The following LHFPL3 variants were observed in gnomAD, a reference collection of about 807,000 sequenced individuals.
The protein encoded by LHFPL3 is LHFPL tetraspan subfamily member 3 protein.
A neutral mutation model predicts 19.3 loss-of-function variants in LHFPL3; 5 were observed. The ratio of observed to expected loss-of-function variants is 0.26; its 90% confidence interval spans 0.14 to 0.54. The LOEUF is 0.54. LHFPL3 is among the 20% of genes least tolerant of loss of function. LHFPL3 has a pLI of 0.94. For missense variants in LHFPL3, 249 were observed against 307.4 expected, an observed-to-expected ratio of 0.81 and a Z score of 1.42; for synonymous variants, 133 against 126.2, an observed-to-expected ratio of 1.05 and a Z score of -0.36.
chr7:104,825,578 TAAC>T (rs1281147658), intron 2 of LHFPL3, among the ~76,000 whole-genome samples: 1 of 151,742 alleles, frequency 6.6e-6, no homozygotes, highest in Non-Finnish European at 1.5e-5. Flanking sequence ...CAGCTGCACA[TAAC>T]AAAAAAAAAT....
In LHFPL3 at chr7:104,374,271, C is replaced by A. The variant is rs116719048; in HGVS notation, c.445+45047C>A. ...ATATATATTTTTTTTAAGACAGAAT[C>A]TTGCTCTGTCACCAGGCTGGAGTAC... On this transcript the variant is annotated intron_variant, in intron 1 of 2. Coordinates refer to ENST00000424859, the MANE Select transcript of LHFPL3 (RefSeq NM_199000.3). Among the ~76,000 whole-genome samples the A allele has an allele frequency of 7.2e-3, 1,083 of 151,114 alleles. 16 individuals carry two copies. Among genetic ancestry groups the A allele is most frequent in the African/African-American group, 0.025 (1,029 of 41,122 alleles).
At chr7:104,844,306 A>T (rs1791271808) in intron 2 of LHFPL3, among the ~76,000 whole-genome samples, 1 of 152,268 alleles carries the variant, frequency 6.6e-6, no homozygotes, top group Admixed American at 6.5e-5. Context: ...GCAAGACAAC[A>T]GCATGGCAGG....
At chr7:104,341,490 C>T (rs1248401791) in intron 1 of LHFPL3, among the ~76,000 whole-genome samples, 1 of 152,198 alleles carries the variant, frequency 6.6e-6, no homozygotes, top group Non-Finnish European at 1.5e-5. Flanking sequence ...ATCCAAATTC[C>T]TTTTGTGGTG....
intron 1 of LHFPL3, among the ~76,000 whole-genome samples, chr7:104,696,548 C>A (rs187003428): frequency 1.3e-5 from 2 of 151,950 alleles, no homozygotes; most frequent in South Asian, 4.2e-4. Context: ...TATGGGTTAA[C>A]TTAGCTAAGG....
At chr7:104,620,556 A>G (rs918103) in intron 1 of LHFPL3, among the ~76,000 whole-genome samples, 12,381 of 152,178 alleles carry the variant, frequency 0.081, 828 homozygotes, top group East Asian at 0.33. Flanking sequence ...GGTACTTCTT[A>G]CTAGTTTCAG....
chr7:104,789,003 G>T (rs1000031085), intron 2 of LHFPL3, among the ~76,000 whole-genome samples: 1 of 152,206 alleles, frequency 6.6e-6, no homozygotes, highest in Admixed American at 6.5e-5. Flanking sequence ...AGCAATTGCT[G>T]CTTCTTGGTA....
rs1170148194 is a variant in LHFPL3 at position 104,898,196 on chromosome 7, CAG to C, written c.683-7990_683-7989del. ...CGCTAATTTTTGTATTTATTAGAGA[CAG>C]GGTTTCAACAGTTGGCCAGGCTGGT... On this transcript the variant is annotated intron_variant, in intron 2 of 2. Coordinates refer to ENST00000424859, the MANE Select transcript of LHFPL3 (RefSeq NM_199000.3). 1.1e-4 allele frequency among the ~76,000 whole-genome samples: 17 copies of C among 151,636 alleles called. 1 individual carries two copies. The highest frequency in any genetic ancestry group is 3.9e-4 in the Admixed American group (6 of 15,204).
chr7:104,507,781 A>G (rs1793728726), intron 1 of LHFPL3, among the ~76,000 whole-genome samples: 1 of 133,028 alleles, frequency 7.5e-6, no homozygotes, highest in Admixed American at 8.1e-5. Context: ...AAACAACCCC[A>G]TCAAAAAGTG....
At chr7:104,387,953 C>T (rs1306571924) in intron 1 of LHFPL3, among the ~76,000 whole-genome samples, 1 of 152,152 alleles carries the variant, frequency 6.6e-6, no homozygotes, top group African/African-American at 2.4e-5. Context: ...ACCTTCCACC[C>T]TCAAGTAGGC....
rs1322149312 is a variant in LHFPL3 at position 104,648,208 on chromosome 7, G to T, written c.446-88467G>T. On this transcript the variant is annotated intron_variant, in intron 1 of 2. Coordinates refer to ENST00000424859, the MANE Select transcript of LHFPL3 (RefSeq NM_199000.3). ...CAGTGGCCAAGACACAAGTCCTGAA[G>T]TATGTGCTGTTCCAATTCATGGGCT... 3.3e-5 allele frequency among the ~76,000 whole-genome samples: 5 copies of T among 152,214 alleles called. No individual in the cohort carries two copies. The East Asian group carries it at 9.6e-4, about 29-fold the overall frequency.
At chr7:104,357,515 A>G (rs1453236405) in intron 1 of LHFPL3, among the ~76,000 whole-genome samples, 1 of 152,224 alleles carries the variant, frequency 6.6e-6, no homozygotes. Context: ...TCAGCAGACT[A>G]GAAAAATCAG....
chr7:104,397,804 G>C (rs534524134), intron 1 of LHFPL3, among the ~76,000 whole-genome samples: 1 of 152,322 alleles, frequency 6.6e-6, no homozygotes, highest in East Asian at 1.9e-4. Context: ...CAGCAGACTT[G>C]GCTTTGGAGG....
intron 1 of LHFPL3, among the ~76,000 whole-genome samples, chr7:104,523,648 T>C (rs1562925144): frequency 6.6e-6 from 1 of 152,158 alleles, no homozygotes; most frequent in Non-Finnish European, 1.5e-5. Flanking sequence ...GATATAGAAA[T>C]ACATGATGCA....
intron 1 of LHFPL3, among the ~76,000 whole-genome samples, chr7:104,438,368 A>G (rs148069309): frequency 1.6e-3 from 237 of 152,360 alleles, no homozygotes; most frequent in Non-Finnish European, 2.9e-3. Context: ...GCCATTGGTT[A>G]CACTTGCACA....
intron 1 of LHFPL3, among the ~76,000 whole-genome samples, chr7:104,379,213 A>G (rs1204037592): frequency 2.0e-5 from 3 of 152,214 alleles, no homozygotes; most frequent in Non-Finnish European, 2.9e-5. Flanking sequence ...GGAAGTCTAG[A>G]TTGATTGGCA....
intron 1 of LHFPL3, among the ~76,000 whole-genome samples, chr7:104,666,519 T>A (rs1253765950): frequency 1.6e-5 from 1 of 62,674 alleles, no homozygotes; most frequent in East Asian, 3.9e-4. Context: ...ATTCTTTTTT[T>A]TTTTTTTTTT....
intron 1 of LHFPL3, among the ~76,000 whole-genome samples, chr7:104,496,766 C>T (rs1447444589): frequency 6.6e-6 from 1 of 152,088 alleles, no homozygotes; most frequent in Non-Finnish European, 1.5e-5. Context: ...AAATGAAGCC[C>T]CTGAATATGT....
chr7:104,348,866 T>G (rs1790123132), intron 1 of LHFPL3, among the ~76,000 whole-genome samples: 1 of 152,224 alleles, frequency 6.6e-6, no homozygotes, highest in Non-Finnish European at 1.5e-5. Context: ...TTACCATCCC[T>G]GCTCCATTTA....
chr7:104,818,088 GAAGT>G (rs1257248681), intron 2 of LHFPL3, among the ~76,000 whole-genome samples: 2 of 152,166 alleles, frequency 1.3e-5, no homozygotes, highest in Admixed American at 6.5e-5. Context: ...GCAAGCAAGA[GAAGT>G]AAGAGGAATC....
Sources: allele counts gnomAD v4.1 joint callset (sites outside exome capture counted in the v4.1 genomes callset), GRCh38; gene constraint gnomAD v4.1.1; transcripts MANE v1.5; gene names NCBI Gene and HGNC (gene_info 2026-07-23, HGNC 2026-07-21).